NRXN1: variants seen among roughly 807,000 people sequenced by gnomAD.
NRXN1 encodes the protein neurexin-1.
A neutral mutation model predicts 150.9 loss-of-function variants in NRXN1; 39 were observed. The observed-to-expected ratio is 0.26, with a 90% CI of 0.20 to 0.34. The LOEUF (loss-of-function observed/expected upper bound fraction) is 0.34. Among genes scored for constraint, NRXN1 ranks in the 10% least tolerant of loss-of-function variants. NRXN1 has a pLI of 1.00. For synonymous variants in NRXN1, 924 were observed against 757.0 expected (o/e 1.22, Z -3.62); for missense variants, 1,815 against 1,949.9 (o/e 0.93, Z 1.30).
At chr2:50,077,315 C>T (rs940099549) in intron 19 of NRXN1, among the ~76,000 whole-genome samples, 3 of 152,112 alleles carry the variant, frequency 2.0e-5, no homozygotes, top group African/African-American at 7.2e-5. Context: ...AATGCTGGCG[C>T]AACATGAATT....
intron 12 of NRXN1, among the ~76,000 whole-genome samples, chr2:50,512,472 T>C (rs1377382094): frequency 1.3e-5 from 2 of 152,238 alleles, no homozygotes; most frequent in Non-Finnish European, 2.9e-5. Flanking sequence ...CTATAAATTA[T>C]ATTTGAAAGT....
At chr2:50,521,880 A>G (rs2092798258) in intron 12 of NRXN1, among the ~76,000 whole-genome samples, 3 of 152,156 alleles carry the variant, frequency 2.0e-5, no homozygotes, top group African/African-American at 7.2e-5. Context: ...ACCAAAACTA[A>G]GATCTGGTGA....
At chr2:50,245,134 G>T (rs1300388980) in intron 17 of NRXN1, among the ~76,000 whole-genome samples, 3 of 151,864 alleles carry the variant, frequency 2.0e-5, no homozygotes, top group Non-Finnish European at 4.4e-5. Flanking sequence ...TCATTTAGAA[G>T]TATCCCCTCC....
At chr2:50,696,657 C>G (rs367654760) in intron 5 of NRXN1, among the ~76,000 whole-genome samples, 37 of 152,234 alleles carry the variant, frequency 2.4e-4, no homozygotes, top group African/African-American at 8.7e-4. Context: ...GTAGAGAAAC[C>G]AGCAAGCACA....
chr2:50,484,629 T>C (rs2090732515), intron 15 of NRXN1, among the ~76,000 whole-genome samples: 1 of 152,172 alleles, frequency 6.6e-6, no homozygotes, highest in Non-Finnish European at 1.5e-5. Context: ...TACCTATAAA[T>C]GCAAATGTTC....
chr2:50,224,622 T>A (rs573370928), intron 18 of NRXN1, among the ~76,000 whole-genome samples: 12 of 151,056 alleles, frequency 7.9e-5, no homozygotes, highest in Non-Finnish European at 1.6e-4. Context: ...AGAACCAATT[T>A]TACCTCCCTC....
At chr2:50,126,082 A>G (rs1191386867) in intron 18 of NRXN1, among the ~76,000 whole-genome samples, 1 of 152,104 alleles carries the variant, frequency 6.6e-6, no homozygotes, top group East Asian at 1.9e-4. Flanking sequence ...ATAAAAACGT[A>G]TTTCATCCAT....
At chr2:50,409,497 T>G (rs1320363841) in intron 17 of NRXN1, among the ~76,000 whole-genome samples, 4 of 152,234 alleles carry the variant, frequency 2.6e-5, no homozygotes, top group African/African-American at 9.6e-5. Flanking sequence ...TAAGTAGGCT[T>G]GTCATTCTCA....
intron 5 of NRXN1, among the ~76,000 whole-genome samples, chr2:50,901,306 C>T (rs968786314): frequency 6.6e-5 from 10 of 151,958 alleles, no homozygotes; most frequent in African/African-American, 1.7e-4. Flanking sequence ...GAGGCTGAGG[C>T]GGGCGGATCA....
chr2:49,988,442 G>C (rs1187302278), intron 21 of NRXN1, among the ~76,000 whole-genome samples: 1 of 151,932 alleles, frequency 6.6e-6, no homozygotes, highest in African/African-American at 2.4e-5. Context: ...CCTTTTTCAT[G>C]AGTCATAGGA....
intron 19 of NRXN1, among the ~76,000 whole-genome samples, chr2:50,083,962 G>T (rs2152687603): frequency 6.6e-6 from 1 of 152,174 alleles, no homozygotes; most frequent in South Asian, 2.1e-4. Context: ...CAAACCTTGA[G>T]CTAGATAGAG....
intron 18 of NRXN1, among the ~76,000 whole-genome samples, chr2:50,187,187 C>A (rs1214939524): frequency 2.6e-5 from 4 of 151,966 alleles, no homozygotes; most frequent in South Asian, 2.1e-4. Context: ...GAGACTCAAC[C>A]AAATTATTGC....
chr2:50,204,613 T>G (rs567955057), intron 18 of NRXN1, among the ~76,000 whole-genome samples: 1 of 152,208 alleles, frequency 6.6e-6, no homozygotes, highest in African/African-American at 2.4e-5. Context: ...TTGTGTGTTG[T>G]GTATAAACTT....
intron 19 of NRXN1, among the ~76,000 whole-genome samples, chr2:50,056,482 T>C (rs1435063127): frequency 1.3e-5 from 2 of 152,230 alleles, no homozygotes; most frequent in East Asian, 3.9e-4. Context: ...AATGAAAACA[T>C]TAATATGTAT....
intron 17 of NRXN1, among the ~76,000 whole-genome samples, chr2:50,429,359 C>T (rs1431047708): frequency 3.9e-5 from 6 of 152,116 alleles, no homozygotes; most frequent in African/African-American, 1.2e-4. Context: ...CAGGTTCAAG[C>T]AATTCTTGTG....
chr2:50,657,987 T>C (rs1359652626), intron 5 of NRXN1, among the ~76,000 whole-genome samples: 2 of 152,010 alleles, frequency 1.3e-5, no homozygotes, highest in Non-Finnish European at 2.9e-5. Context: ...ACAGAAGTCT[T>C]TCTTTCCACC....
chr2:50,693,341 G>T (rs988882822), intron 5 of NRXN1, among the ~76,000 whole-genome samples: 2 of 152,174 alleles, frequency 1.3e-5, no homozygotes, highest in African/African-American at 2.4e-5. Flanking sequence ...GGAGACTGGT[G>T]TGGTAAAGGC....
At chr2:50,191,849 A>C (rs1574417356) in intron 18 of NRXN1, among the ~76,000 whole-genome samples, 1 of 152,142 alleles carries the variant, frequency 6.6e-6, no homozygotes, top group Non-Finnish European at 1.5e-5. Context: ...ACATGTATTA[A>C]CTTAATACAG....
chr2:50,210,453 A>G (rs1464658533), intron 18 of NRXN1, among the ~76,000 whole-genome samples: 1 of 151,782 alleles, frequency 6.6e-6, no homozygotes, highest in East Asian at 1.9e-4. Context: ...GAAGTGTTTT[A>G]TGAGTCATAG....
Sources: allele counts gnomAD v4.1 joint callset (sites outside exome capture counted in the v4.1 genomes callset), GRCh38; gene constraint gnomAD v4.1.1; transcripts MANE v1.5; gene names NCBI Gene and HGNC (gene_info 2026-07-23, HGNC 2026-07-21).